COPG1: variants seen among roughly 807,000 people sequenced by gnomAD.
The protein encoded by COPG1 is coatomer subunit gamma-1.
A neutral mutation model predicts 102.8 loss-of-function variants in COPG1; 29 were observed. That is an observed-to-expected ratio of 0.28 (90% CI 0.21 to 0.38). COPG1 has a LOEUF of 0.38. Among genes scored for constraint, COPG1 ranks in the 10% least tolerant of loss-of-function variants. COPG1 has a pLI of 1.00. For missense variants in COPG1, 875 were observed against 1,132.7 expected, an observed-to-expected ratio of 0.77 and a Z score of 3.27; for synonymous variants, 406 against 421.6, an observed-to-expected ratio of 0.96 and a Z score of 0.45.
chr3:129,249,861 C>A, intron 1 of COPG1, 115 bp downstream of exon 1: 1 of 1,118,672 alleles, frequency 8.9e-7, no homozygotes, highest in Non-Finnish European at 1.3e-6. Context: ...GGGGCTTGTG[C>A]CAGGGTCCAC....
intron 2 of COPG1, among the ~76,000 whole-genome samples, chr3:129,251,285 G>A (rs539750623): frequency 7.7e-4 from 117 of 151,296 alleles, no homozygotes; most frequent in Non-Finnish European, 8.3e-4. Flanking sequence ...AAGGAAACTG[G>A]TTTAAAACTA....
At chr3:129,263,747 G>A (rs1186987878) in intron 12 of COPG1, among the ~76,000 whole-genome samples, 157 bp from the exon 13 acceptor site, 1 of 123,336 alleles carries the variant, frequency 8.1e-6, no homozygotes, top group Non-Finnish European at 1.5e-5. Flanking sequence ...TGCCCTTCAA[G>A]CTTCAAGCGT....
chr3:129,250,447 C>G (rs976733803), intron 1 of COPG1, among the ~76,000 whole-genome samples: 1 of 152,178 alleles, frequency 6.6e-6, no homozygotes, highest in African/African-American at 2.4e-5. Flanking sequence ...ATGAGAAGCA[C>G]AGGACTGTAC....
chr3:129,249,981 C>G (rs1040105525), intron 1 of COPG1, among the ~76,000 whole-genome samples: 2 of 151,988 alleles, frequency 1.3e-5, no homozygotes, highest in Admixed American at 6.6e-5. Context: ...ACACCCCCCC[C>G]CCCAGGCCTC....
chr3:129,265,428 A>T (rs760051420), intron 13 of COPG1, 121 bp from the exon 14 acceptor site: 17 of 1,238,990 alleles, frequency 1.4e-5, no homozygotes, highest in Non-Finnish European at 1.9e-5. Context: ...ATAGAGGCCC[A>T]GAGAACCAAG....
chr3:129,252,682 T>A lies in COPG1; in HGVS notation c.231T>A (p.Phe77Leu). 6.2e-7 allele frequency: 1 copy of A among 1,614,122 alleles called. No individual in the cohort carries two copies. The highest frequency in any genetic ancestry group is 8.5e-7 in the Non-Finnish European group (1 of 1,179,976). Residue 77 changes from phenylalanine to leucine, a missense_variant, in exon 4 of 24, where the codon TTT (phenylalanine) becomes TTA (leucine). Phe to Leu is a conservative substitution (Grantham distance 22). Coordinates refer to ENST00000314797, the MANE Select transcript of COPG1 (RefSeq NM_016128.4). The part of the protein sequence containing the change: ...TEAFFAMTKL[F>L]QSNDPTLRRM... The stretch of plus-strand genomic sequence containing the variant: ...CCTTCTTTGCCATGACCAAGCTCTT[T>A]CAGTCCAATGATGTAAGTGCCTCAA...
At chr3:129,254,495 T>C in intron 5 of COPG1, 173 bp from the exon 6 acceptor site, 1 of 559,244 alleles carries the variant, frequency 1.8e-6, no homozygotes, top group Non-Finnish European at 3.2e-6. Flanking sequence ...GTTTTGAGTC[T>C]TATGAAACTC....
chr3:129,252,785 G>C, intron 4 of COPG1, 91 bp downstream of exon 4: 1 of 1,544,360 alleles, frequency 6.5e-7, no homozygotes, highest in Middle Eastern at 1.8e-4. Context: ...CAGTCAGTGT[G>C]GGCTGCCTTT....
At chr3:129,255,180 T>C in intron 7 of COPG1, 103 bp downstream of exon 7, 1 of 165,024 alleles carries the variant, frequency 6.1e-6, no homozygotes, top group Non-Finnish European at 1.0e-5. Flanking sequence ...TCTTTCTTTC[T>C]TTTTTTTTTT....
In COPG1 at chr3:129,269,017, G is replaced by A; in HGVS notation, c.1843+17G>A. On this transcript the variant is annotated intron_variant, in intron 18 of 23. Coordinates refer to ENST00000314797, the MANE Select transcript of COPG1 (RefSeq NM_016128.4). ...TCTTCCAGGGTGAGTCACAGTGGTT[G>A]GGGGATGCTTGGGACCTGGGCTTAG... The A allele has an allele frequency of 6.2e-7, 1 of 1,612,460 alleles. No individual in the cohort carries two copies. Among genetic ancestry groups the A allele is most frequent in the Non-Finnish European group, 8.5e-7 (1 of 1,178,562 alleles).
At position 129,277,490 on chromosome 3, in the gene COPG1, G is replaced by C. The variant is rs182341938; in HGVS notation, c.*66G>C. The C allele has an allele frequency of 1.0e-4, 154 of 1,494,496 alleles. 1 individual carries two copies. In the East Asian group the frequency reaches 3.6e-3, roughly 34 times the overall value. 92.6% of individuals were successfully genotyped at this position (1,494,496 alleles called of 1,614,324 possible). On this transcript the variant is annotated 3_prime_UTR_variant, in exon 24 of 24. Transcript: ENST00000314797. ...TACCTGGAAGTTGTGCCTTCCTCAT[G>C]AAACTGGCAGAAACCCCTTCCCAAG...
intron 12 of COPG1, among the ~76,000 whole-genome samples, chr3:129,261,576 G>T (rs1467691762): frequency 6.6e-6 from 1 of 152,156 alleles, no homozygotes; most frequent in Non-Finnish European, 1.5e-5. Context: ...TTCATAGGAA[G>T]TTACAAAGAA....
chr3:129,252,357 A>G lies in COPG1; in HGVS notation c.167A>G (p.Asn56Ser). The G allele has an allele frequency of 6.2e-7, 1 of 1,607,916 alleles. No individual in the cohort carries two copies. The highest frequency in any genetic ancestry group is 1.1e-5 in the South Asian group (1 of 90,922). The change falls in exon 3 of 24, where the codon AAC becomes AGC. Residue 56 changes from asparagine to serine, a missense_variant. Transcript: ENST00000314797. The stretch of plus-strand genomic sequence containing the variant: ...CTCACCAAGATTCTTTATCTCATAA[A>G]CCAGGTAACAGGGTGAAGCTTGCGG... ...HILTKILYLINQGEHLGTTEA... is the reference protein window; with the variant it reads ...HILTKILYLISQGEHLGTTEA...
chr3:129,265,191 A>G (rs1940027457), intron 13 of COPG1, among the ~76,000 whole-genome samples: 1 of 151,986 alleles, frequency 6.6e-6, no homozygotes, highest in African/African-American at 2.4e-5. Flanking sequence ...TCCTGGGATC[A>G]AGCAATCGTC....
chr3:129,268,509 A>C lies in COPG1; in HGVS notation c.1663A>C (p.Ile555Leu), dbSNP rs774093498. Residue 555 changes from isoleucine to leucine, a missense_variant, in exon 17 of 24, where the codon ATC becomes CTC. Transcript: ENST00000314797. ...TTCACCTCCAGGTCTGACTGTGTCC[A>C]TCCCTGGTCTGGAGAGGGCTCTGCA... ...GYILNGLTVS[I>L]PGLERALQQY... is the part of the protein sequence containing the mutation. 1 of 1,614,210 alleles carries C rather than the reference A, an allele frequency of 6.2e-7. No homozygotes were observed. Among genetic ancestry groups the C allele is most frequent in the South Asian group, 1.1e-5 (1 of 91,090 alleles).
At chr3:129,269,976 C>T (rs1368283226) in intron 18 of COPG1, among the ~76,000 whole-genome samples, 1 of 149,442 alleles carries the variant, frequency 6.7e-6, no homozygotes, top group Non-Finnish European at 1.5e-5. Context: ...CTCGTGGCCC[C>T]TTCCACCGTC....
At chr3:129,260,443 A>G (rs1206126704) in intron 11 of COPG1, 43 bp downstream of exon 11, 1 of 1,593,950 alleles carries the variant, frequency 6.3e-7, no homozygotes, top group Non-Finnish European at 8.6e-7. Flanking sequence ...GTCTGATCCA[A>G]CTGGAGGTGT....
chr3:129,265,112 C>T (rs745768480), intron 13 of COPG1, among the ~76,000 whole-genome samples: 19 of 151,420 alleles, frequency 1.3e-4, no homozygotes, highest in Non-Finnish European at 2.8e-4. Context: ...TGAGCCACTG[C>T]GCCCGGCCTC....
At chr3:129,250,878 C>T in intron 2 of COPG1, 144 bp downstream of exon 2, 22 of 388,490 alleles carry the variant, frequency 5.7e-5, no homozygotes, top group East Asian at 8.7e-5. Flanking sequence ...GACAGGAAAA[C>T]TTTGTTTCTG....
Sources: allele counts gnomAD v4.1 joint callset (sites outside exome capture counted in the v4.1 genomes callset), GRCh38; gene constraint gnomAD v4.1.1; transcripts MANE v1.5; gene names NCBI Gene and HGNC (gene_info 2026-07-23, HGNC 2026-07-21).